The following PDZD2 variants were observed in gnomAD, a reference collection of about 807,000 sequenced individuals.
PDZD2 encodes the protein PDZ domain-containing protein 2.
PDZD2 carries 90 observed loss-of-function variants against 220.7 expected under a neutral mutation model. That is an observed-to-expected ratio of 0.41 (90% CI 0.34 to 0.49). The LOEUF is 0.49. Among genes scored for constraint, PDZD2 ranks in the 20% least tolerant of loss-of-function variants. The probability of loss-of-function intolerance (pLI) is 0.28; values close to 1 mark genes in which losing one functional copy is unlikely to be tolerated. For synonymous variants in PDZD2, 1,375 were observed against 1,450.5 expected, an observed-to-expected ratio of 0.95 and a Z score of 1.18; for missense variants, 3,174 against 3,608.5, an observed-to-expected ratio of 0.88 and a Z score of 3.08.
chr5:32,028,440 A>G (rs2112177778), intron 6 of PDZD2, among the ~76,000 whole-genome samples: 1 of 152,264 alleles, frequency 6.6e-6, no homozygotes, highest in African/African-American at 2.4e-5. Flanking sequence ...ATTTCTAGCC[A>G]CATTGTCTAG....
intron 2 of PDZD2, among the ~76,000 whole-genome samples, chr5:31,840,086 G>A (rs1247479095): frequency 6.6e-6 from 1 of 151,966 alleles, no homozygotes; most frequent in Admixed American, 6.6e-5. Flanking sequence ...AAATTAGCCA[G>A]GCATGGTGGC....
In PDZD2 at chr5:32,003,037, TAC is replaced by T. The variant is rs940544640; in HGVS notation, c.1254+2773_1254+2774del. Reference sequence around the variant, plus strand: ...CACACCACATACCACATGCATACCATACACACACTACACACACCACACACACA... The same window carrying T: ...CACACCACATACCACATGCATACCATACACACTACACACACCACACACACA... On this transcript the variant is annotated intron_variant, in intron 5 of 24. Transcript: ENST00000438447. 4.0e-5 allele frequency among the ~76,000 whole-genome samples: 3 copies of T among 75,858 alleles called. No homozygotes were observed. The Admixed American group carries it at 4.6e-4, about 12-fold the overall frequency. The allele number at this position is 75,858 out of a possible 152,430, so 49.8% of individuals were successfully genotyped here.
At chr5:32,095,944 C>T (rs1318609326) in intron 21 of PDZD2, among the ~76,000 whole-genome samples, 4 of 149,190 alleles carry the variant, frequency 2.7e-5, no homozygotes, top group South Asian at 2.1e-4. Flanking sequence ...GGGGTTTCAC[C>T]GTGTTAGCCA....
intron 6 of PDZD2, among the ~76,000 whole-genome samples, chr5:32,034,146 C>T (rs1028487953): frequency 2.0e-5 from 3 of 152,040 alleles, no homozygotes; most frequent in African/African-American, 7.2e-5. Flanking sequence ...AGAAAACTTC[C>T]TAAGTCCAGA....
At position 31,960,379 on chromosome 5, in the gene PDZD2, C is replaced by T. The variant is rs149182641; in HGVS notation, c.477-22776C>T. ...ATTACAGGATTACACCACTACACCA[C>T]GCCCGGCTAATTTTGTATTTTCAGT... On this transcript the variant is annotated intron_variant, in intron 2 of 24. Transcript: ENST00000438447. Among the ~76,000 whole-genome samples, 104 of 152,172 alleles carry T rather than the reference C, an allele frequency of 6.8e-4. 2 individuals are homozygous for T. In the East Asian group the frequency reaches 0.017, roughly 25 times the overall value.
Position 31,823,434 on chromosome 5 carries a change from C to G in PDZD2, c.476+23710C>G, listed in dbSNP as rs1387449113. On this transcript the variant is annotated intron_variant, in intron 2 of 24. Transcript: ENST00000438447. Reference sequence around the variant, plus strand: ...AGTGAGCCAAGATCGCGCCATTGCACTCCATCCTGGGAGACAGAGTGAGAC... The same window carrying G: ...AGTGAGCCAAGATCGCGCCATTGCAGTCCATCCTGGGAGACAGAGTGAGAC... Among the ~76,000 whole-genome samples the G allele has an allele frequency of 2.6e-5, 4 of 152,274 alleles. No homozygotes were observed. In the South Asian group the frequency reaches 6.2e-4, roughly 24 times the overall value.
intron 1 of PDZD2, among the ~76,000 whole-genome samples, chr5:31,794,495 G>C (rs1041784644): frequency 2.0e-5 from 3 of 149,180 alleles, no homozygotes; most frequent in Non-Finnish European, 3.0e-5. Context: ...CCGCCTCCCG[G>C]GTTCACACCA....
At chr5:31,803,942 G>T (rs1022782651) in intron 2 of PDZD2, among the ~76,000 whole-genome samples, 1 of 151,888 alleles carries the variant, frequency 6.6e-6, no homozygotes, top group Admixed American at 6.6e-5. Flanking sequence ...GAGAGGCTGA[G>T]GTGGGAGGAT....
chr5:31,843,387 T>C (rs1032208976), intron 2 of PDZD2: 1 of 151,900 alleles, frequency 6.6e-6, no homozygotes, highest in Admixed American at 6.6e-5. Flanking sequence ...TGCCTCAGCC[T>C]CCCAAGTAGC....
At chr5:31,725,526 C>A (rs1749072726) in intron 1 of PDZD2, 5 of 1,340,264 alleles carry the variant, frequency 3.7e-6, no homozygotes, top group Non-Finnish European at 5.1e-6. Context: ...ATGGTTTATA[C>A]TACCAGGGGC....
chr5:31,899,219 C>G (rs927673354), intron 2 of PDZD2, among the ~76,000 whole-genome samples: 1 of 152,168 alleles, frequency 6.6e-6, no homozygotes, highest in African/African-American at 2.4e-5. Context: ...CAACATCCGC[C>G]TCCTGGGTTC....
At chr5:32,079,798 C>T (rs985513895) in intron 19 of PDZD2, among the ~76,000 whole-genome samples, 18 of 151,666 alleles carry the variant, frequency 1.2e-4, no homozygotes, top group African/African-American at 4.8e-5. Context: ...GCAAAAAGAG[C>T]GAGACTCCGT....
In PDZD2 at chr5:31,900,104, A is replaced by G. The variant is rs571353611; in HGVS notation, c.477-83051A>G. 1.1e-4 allele frequency among the ~76,000 whole-genome samples: 17 copies of G among 152,356 alleles called. No individual in the cohort carries two copies. The East Asian group carries it at 3.3e-3, about 29-fold the overall frequency. ...GCAGGTGGCACACAGCAAATGACGTAGTGAACGGTGTCACCAGGATTTTGA... is the reference window on the plus strand; with the variant it reads ...GCAGGTGGCACACAGCAAATGACGTGGTGAACGGTGTCACCAGGATTTTGA... On this transcript the variant is annotated intron_variant, in intron 2 of 24. Transcript: ENST00000438447.
At chr5:31,673,863 C>T (rs1473684230) in intron 1 of PDZD2, among the ~76,000 whole-genome samples, 7 of 152,016 alleles carry the variant, frequency 4.6e-5, no homozygotes, top group South Asian at 2.1e-4. Flanking sequence ...CCCAGCTACT[C>T]GGGAGGCTGA....
chr5:31,880,696 A>G (rs1439772035), intron 2 of PDZD2, among the ~76,000 whole-genome samples: 2 of 151,774 alleles, frequency 1.3e-5, no homozygotes, highest in African/African-American at 4.8e-5. Flanking sequence ...AAGGGGGCCA[A>G]ATGGAAGCTG....
At chr5:31,687,021 T>G (rs73072161) in intron 1 of PDZD2, among the ~76,000 whole-genome samples, 132 of 152,238 alleles carry the variant, frequency 8.7e-4, no homozygotes, top group African/African-American at 3.0e-3. Context: ...AACGAGGCTG[T>G]TATAGACACC....
intron 1 of PDZD2, among the ~76,000 whole-genome samples, chr5:31,716,219 T>C (rs67710791): frequency 0.14 from 21,218 of 152,244 alleles, 1,592 homozygotes; most frequent in East Asian, 0.21. Flanking sequence ...GTTGTTAATT[T>C]ACAGTTACTG....
At chr5:31,931,579 T>A (rs755687928) in intron 2 of PDZD2, among the ~76,000 whole-genome samples, 4 of 152,116 alleles carry the variant, frequency 2.6e-5, no homozygotes, top group Non-Finnish European at 5.9e-5. Context: ...CTGGTGGCTC[T>A]TACTTGGTTG....
chr5:31,760,265 A>T (rs566962883), intron 1 of PDZD2, among the ~76,000 whole-genome samples: 1 of 152,360 alleles, frequency 6.6e-6, no homozygotes, highest in East Asian at 1.9e-4. Flanking sequence ...ACAGCATGCT[A>T]GGTGCTTGAA....
Sources: gnomAD v4.1 joint callset for allele counts (sites outside exome capture counted in the v4.1 genomes callset) on GRCh38, gnomAD v4.1.1 for gene constraint, MANE v1.5 for transcripts, NCBI Gene and HGNC (gene_info 2026-07-23, HGNC 2026-07-21) for gene names.